ICAM2: variants seen among roughly 807,000 people sequenced by gnomAD.
ICAM2 encodes ICAM-2.
In ICAM2, 14 loss-of-function variants were observed where a neutral mutation model predicts 19.1. The ratio of observed to expected loss-of-function variants is 0.73; its 90% CI spans 0.48 to 1.15. The LOEUF (loss-of-function observed/expected upper bound fraction) is 1.15. Ranked by LOEUF, ICAM2 falls within the 50% of genes most tolerant of loss-of-function variation. The probability of loss-of-function intolerance (pLI) is 0.00; values close to 1 mark genes in which losing one functional copy is unlikely to be tolerated. For missense variants in ICAM2, 311 were observed against 355.4 expected, an observed-to-expected ratio of 0.88 and a Z score of 1.00; for synonymous variants, 153 against 152.7, an observed-to-expected ratio of 1.00 and a Z score of -0.01.
intron 1 of ICAM2, among the ~76,000 whole-genome samples, chr17:64,018,248 G>A (rs1911792658): frequency 6.6e-6 from 1 of 150,628 alleles, no homozygotes; most frequent in Non-Finnish European, 1.5e-5. Flanking sequence ...GCAGGAGAAT[G>A]GCGTGAACCT....
At chr17:64,018,267 G>A (rs1911793805) in intron 1 of ICAM2, among the ~76,000 whole-genome samples, 1 of 139,810 alleles carries the variant, frequency 7.2e-6, no homozygotes. Flanking sequence ...CTAGGAGGCG[G>A]AGCTTGCAGT....
rs1415280007 is a variant in ICAM2 at position 64,002,735 on chromosome 17, C to T, written c.*12G>A. 1.2e-6 allele frequency: 2 copies of T among 1,608,324 alleles called. No homozygotes were observed. Among genetic ancestry groups the T allele is most frequent in the South Asian group, 2.2e-5 (2 of 90,760 alleles). On this transcript the variant is annotated 3_prime_UTR_variant, in exon 5 of 5. Transcript: ENST00000579788. ...GTGACCACCGTGGTGGTGGCCATGCCACTCATGGTTGCTATGGCCGGAAGG... is the reference window on the plus strand; with the variant it reads ...GTGACCACCGTGGTGGTGGCCATGCTACTCATGGTTGCTATGGCCGGAAGG...
At chr17:64,012,191 G>T (rs1392504634) in intron 1 of ICAM2, among the ~76,000 whole-genome samples, 1 of 152,140 alleles carries the variant, frequency 6.6e-6, no homozygotes, top group Non-Finnish European at 1.5e-5. Context: ...GGCCAGGTAT[G>T]GTGGCTCACA....
intron 1 of ICAM2, among the ~76,000 whole-genome samples, chr17:64,009,302 TG>T (rs1212561265): frequency 6.6e-6 from 1 of 150,970 alleles, no homozygotes; most frequent in Non-Finnish European, 1.5e-5. Context: ...AAGCATTTAC[TG>T]TTTTTTTTTT....
chr17:64,002,989 G>T, intron 4 of ICAM2, 64 bp from the exon 5 acceptor site: 1 of 1,507,518 alleles, frequency 6.6e-7, no homozygotes, highest in South Asian at 1.2e-5. Context: ...GACCAAAAGG[G>T]AGTGGAAGTC....
At chr17:64,006,477 A>G (rs1911214182) in intron 2 of ICAM2, 154 bp downstream of exon 2, 1 of 648,020 alleles carries the variant, frequency 1.5e-6, no homozygotes, top group Admixed American at 2.8e-5. Flanking sequence ...AGCCTGGGTG[A>G]TAGACCGAGA....
chr17:64,014,376 A>AAAGAAAGGAAGG (rs1567849318), intron 1 of ICAM2, among the ~76,000 whole-genome samples: 24 of 55,400 alleles, frequency 4.3e-4, no homozygotes, highest in African/African-American at 1.4e-3. Context: ...AGAAAGAAAG[A>AAAGAAAGGAAGG]AAGGAAGGAA....
rs554946272 is a variant in ICAM2, at chr17:64,020,517, C to T, written c.-45+6G>A. Reference sequence around the variant, plus strand: ...ATTGGAGGGAAAGTGAGAAGCTCAACCTTACCCCTGTGGGCTCCAAGAAGG... The same window carrying T: ...ATTGGAGGGAAAGTGAGAAGCTCAATCTTACCCCTGTGGGCTCCAAGAAGG... On this transcript the variant is annotated splice_donor_region_variant and intron_variant, in intron 1 of 4. Coordinates refer to ENST00000579788, the MANE Select transcript of ICAM2 (RefSeq NM_001099789.2). 1 of 152,204 alleles carries T rather than the reference C, an allele frequency of 6.6e-6. No individual in the cohort carries two copies. The highest frequency in any genetic ancestry group is 1.5e-5 in the Non-Finnish European group (1 of 68,068). 9.4% of individuals were successfully genotyped at this position (152,204 alleles called of 1,614,324 possible). A position where few individuals can be genotyped will look rare whatever the true frequency, so the allele number is the denominator to read the frequency against.
chr17:64,018,931 A>G (rs539157999), intron 1 of ICAM2, among the ~76,000 whole-genome samples: 129 of 151,752 alleles, frequency 8.5e-4, no homozygotes, highest in African/African-American at 3.1e-3. Context: ...CTTGTTGGCC[A>G]GGACCGTCTC....
chr17:64,010,633 C>T (rs895218739), intron 1 of ICAM2, among the ~76,000 whole-genome samples: 17 of 151,614 alleles, frequency 1.1e-4, no homozygotes, highest in Admixed American at 2.0e-4. Context: ...AAGTTTATCC[C>T]CCAAAATACC....
rs1328233620 is a variant in ICAM2, at chr17:64,014,365, A to AAGAAAG, written c.-45+6152_-45+6157dup. Among the ~76,000 whole-genome samples, 4 of 59,086 alleles carry AAGAAAG rather than the reference A, an allele frequency of 6.8e-5. No homozygotes were observed. The East Asian group carries it at 2.1e-3, about 30-fold the overall frequency. The allele number at this position is 59,086 out of a possible 152,430, so 38.8% of individuals were successfully genotyped here. On this transcript the variant is annotated intron_variant, in intron 1 of 4. Coordinates refer to ENST00000579788, the MANE Select transcript of ICAM2 (RefSeq NM_001099789.2). ...AAAGAAAGAAAGAAAGAAAGAAAGA[A>AAGAAAG]AGAAAGAAAGAAAGGAAGGAAGGAA...
intron 4 of ICAM2, chr17:64,003,172 C>G: frequency 1.9e-6 from 1 of 518,976 alleles, no homozygotes; most frequent in Non-Finnish European, 3.5e-6. Flanking sequence ...GGCAGATGTC[C>G]CCTTGTCAGC....
intron 1 of ICAM2, 72 bp from the exon 2 acceptor site, chr17:64,006,807 C>T: frequency 1.2e-6 from 1 of 840,408 alleles, no homozygotes; most frequent in Non-Finnish European, 1.9e-6. Flanking sequence ...CTGATGACTG[C>T]ATTTCCTCTC....
At chr17:64,007,529 T>C (rs369915607) in intron 1 of ICAM2, among the ~76,000 whole-genome samples, 48 of 152,316 alleles carry the variant, frequency 3.2e-4, no homozygotes, top group African/African-American at 1.1e-3. Context: ...CCCAAAGTGC[T>C]GGGATTACAG....
chr17:64,009,732 C>T (rs1285125598), intron 1 of ICAM2, among the ~76,000 whole-genome samples: 1 of 152,164 alleles, frequency 6.6e-6, no homozygotes, highest in Non-Finnish European at 1.5e-5. Context: ...TTGCTCGGTG[C>T]CTATTGCCCC....
At position 64,002,891 on chromosome 17, in the gene ICAM2, G is replaced by A; in HGVS notation, c.684C>T (p.Val228=). The A allele has an allele frequency of 6.2e-7, 1 of 1,613,936 alleles. No homozygotes were observed. Among genetic ancestry groups the A allele is most frequent in the South Asian group, 1.1e-5 (1 of 91,068 alleles). ...PVSDSQMVII[V]TVVSVLLSLF... is the part of the protein sequence containing the mutation. The stretch of plus-strand genomic sequence containing the variant: ...GGGACAGCAACACCGACACCACCGT[G>A]ACTATGATGACCATCTGGCTGTCCG... Residue 228 remains valine (V), a synonymous_variant, in exon 5 of 5, where the codon GTC becomes GTT. Transcript: ENST00000579788.
intron 2 of ICAM2, 55 bp from the exon 3 acceptor site, chr17:64,005,428 A>C: frequency 6.3e-7 from 1 of 1,577,990 alleles, no homozygotes; most frequent in Non-Finnish European, 8.6e-7. Flanking sequence ...CCTGCCCTCC[A>C]GTGGAGCTGT....
In ICAM2 at chr17:64,010,924, T is replaced by C. The variant is rs369510669; in HGVS notation, c.-44-4189A>G. ...TTAGGAGGGAGGACACATTTTAAGT[T>C]ATATAAGGAATGGGAGAAAATATTT... On this transcript the variant is annotated intron_variant, in intron 1 of 4. Coordinates refer to ENST00000579788, the MANE Select transcript of ICAM2 (RefSeq NM_001099789.2). Among the ~76,000 whole-genome samples, 3 of 152,030 alleles carry C rather than the reference T, an allele frequency of 2.0e-5. No individual in the cohort carries two copies. The East Asian group carries it at 5.8e-4, about 29-fold the overall frequency.
chr17:64,018,332 T>TC (rs1555610425), intron 1 of ICAM2, among the ~76,000 whole-genome samples: 3 of 6,302 alleles, frequency 4.8e-4, no homozygotes, highest in African/African-American at 9.7e-4. Context: ...AGACTCTATC[T>TC]CAAAAAAAAA....
Sources: allele counts gnomAD v4.1 joint callset (sites outside exome capture counted in the v4.1 genomes callset), GRCh38; gene constraint gnomAD v4.1.1; transcripts MANE v1.5; gene names NCBI Gene and HGNC (gene_info 2026-07-23, HGNC 2026-07-21).